Variants in NBAS observed in about 807,000 individuals in gnomAD.
The protein encoded by NBAS is NBAS subunit of NRZ tethering complex.
NBAS carries 219 observed loss-of-function variants against 302.5 expected under a neutral mutation model. The observed-to-expected ratio is 0.72, with a 90% CI of 0.65 to 0.81. The LOEUF is 0.81. NBAS is among the 30% of genes least tolerant of loss of function. NBAS has a pLI of 0.00. For missense variants in NBAS, 2,932 were observed against 2,841.6 expected, an observed-to-expected ratio of 1.03 and a Z score of -0.72; for synonymous variants, 1,118 against 1,021.6, an observed-to-expected ratio of 1.09 and a Z score of -1.80.
chr2:15,087,709 C>T, the NBAS span, among the ~76,000 whole-genome samples: 8 of 152,278 alleles, frequency 5.3e-5, no homozygotes, highest in African/African-American at 9.6e-5. Flanking sequence ...AAATGTCAGC[C>T]GGTGAGAAAT....
rs147366181 is a variant in NBAS at position 15,358,396 on chromosome 2, A to ATG, written c.3818-1982_3818-1981dup. On this transcript the variant is annotated intron_variant, in intron 32 of 51. Transcript: ENST00000281513. ...AAGCTGCTTGGCCGTGTGTGTGTGT[A>ATG]TGTGTGTGTGTGCGCACACATGTGT... Among the ~76,000 whole-genome samples, 451 of 151,742 alleles carry ATG rather than the reference A, an allele frequency of 3.0e-3. 1 individual carries two copies. Among genetic ancestry groups the ATG allele is most frequent in the African/African-American group, 0.01 (418 of 41,388 alleles).
At chr2:15,211,378 G>T (rs1157763237) in intron 48 of NBAS, among the ~76,000 whole-genome samples, 1 of 152,204 alleles carries the variant, frequency 6.6e-6, no homozygotes, top group African/African-American at 2.4e-5. Context: ...TAAATTGGAT[G>T]ACAGTATCGA....
intron 21 of NBAS, among the ~76,000 whole-genome samples, chr2:15,446,530 G>A (rs375541264): frequency 6.6e-6 from 1 of 152,064 alleles, no homozygotes; most frequent in Non-Finnish European, 1.5e-5. Flanking sequence ...GCACTGCAAG[G>A]CATGCTAAAG....
At chr2:14,902,426 C>T in the NBAS span, among the ~76,000 whole-genome samples, 1 of 152,328 alleles carries the variant, frequency 6.6e-6, no homozygotes, top group Non-Finnish European at 1.5e-5. Context: ...ACCACTGCAC[C>T]TGGCCTAATC....
the NBAS span, among the ~76,000 whole-genome samples, chr2:14,800,788 TTTG>T: frequency 1.4e-5 from 2 of 141,250 alleles, no homozygotes; most frequent in African/African-American, 3.0e-5. Flanking sequence ...TTAAATTGTT[TTTG>T]TTTTTTTTTT....
the NBAS span, among the ~76,000 whole-genome samples, chr2:14,901,407 C>T: frequency 6.7e-6 from 1 of 149,938 alleles, no homozygotes; most frequent in Non-Finnish European, 1.5e-5. Flanking sequence ...TATTCTTCAG[C>T]TAAAGGCCAA....
chr2:14,949,962 A>G, the NBAS span, among the ~76,000 whole-genome samples: 1 of 152,186 alleles, frequency 6.6e-6, no homozygotes, highest in Non-Finnish European at 1.5e-5. Context: ...TGGAAGAAGT[A>G]AGACCTAGTG....
the NBAS span, among the ~76,000 whole-genome samples, chr2:15,119,836 T>C: frequency 2.6e-5 from 4 of 152,076 alleles, no homozygotes; most frequent in Admixed American, 2.0e-4. Flanking sequence ...ACGCCATTCA[T>C]CTGCAAAGTT....
intron 48 of NBAS, among the ~76,000 whole-genome samples, chr2:15,210,481 A>T (rs916047464): frequency 2.0e-5 from 3 of 152,146 alleles, no homozygotes; most frequent in Non-Finnish European, 4.4e-5. Flanking sequence ...AACAATGCGG[A>T]CAAGAATATG....
rs75269970 is a variant in NBAS, at chr2:15,550,195, A to C, written c.379+1298T>G. 3.7e-3 allele frequency among the ~76,000 whole-genome samples: 569 copies of C among 152,250 alleles called. 16 individuals are homozygous for C. In the East Asian group the frequency reaches 0.07, roughly 19 times the overall value. ...AAAATAAAAAAAGAACAGCATTTCC[A>C]TGAGGGAGTGGGGGAATCTTCTGTA... is the stretch of plus-strand genomic sequence containing the variant. On this transcript the variant is annotated intron_variant, in intron 6 of 51. Coordinates refer to ENST00000281513, the MANE Select transcript of NBAS (RefSeq NM_015909.4).
chr2:14,788,160 C>A, the NBAS span, among the ~76,000 whole-genome samples: 4 of 152,208 alleles, frequency 2.6e-5, no homozygotes, highest in African/African-American at 9.6e-5. Flanking sequence ...CGAGGCTTGG[C>A]TTTCAGCTCC....
At chr2:14,801,074 G>C in the NBAS span, among the ~76,000 whole-genome samples, 2 of 152,008 alleles carry the variant, frequency 1.3e-5, no homozygotes, top group Non-Finnish European at 2.9e-5. Context: ...AGCATGCATT[G>C]CATCTGATGA....
the NBAS span, among the ~76,000 whole-genome samples, chr2:14,965,503 T>G: frequency 2.6e-5 from 4 of 152,188 alleles, no homozygotes; most frequent in Admixed American, 6.5e-5. Context: ...AATGGCTCAA[T>G]ATCTATTAAA....
the NBAS span, among the ~76,000 whole-genome samples, chr2:14,780,932 A>C: frequency 2.6e-4 from 39 of 152,192 alleles, no homozygotes; most frequent in African/African-American, 8.7e-4. Context: ...AAGGAGGAAG[A>C]GAGAATGAGA....
the NBAS span, among the ~76,000 whole-genome samples, chr2:15,091,248 T>G: frequency 0.012 from 1,760 of 152,196 alleles, 26 homozygotes; most frequent in African/African-American, 0.039. Context: ...CCTTGGGAGC[T>G]CTCTCAGAGA....
intron 7 of NBAS, 101 bp downstream of exon 7, chr2:15,539,122 T>G: frequency 6.7e-7 from 1 of 1,487,262 alleles, no homozygotes; most frequent in Non-Finnish European, 9.3e-7. Context: ...ATTATTCTGA[T>G]TTATATTTGT....
At chr2:15,271,411 TC>T (rs897030068) in intron 44 of NBAS, among the ~76,000 whole-genome samples, 1 of 152,176 alleles carries the variant, frequency 6.6e-6, no homozygotes, top group Non-Finnish European at 1.5e-5. Context: ...ACAACATGTT[TC>T]CCATTAGAAG....
intron 21 of NBAS, among the ~76,000 whole-genome samples, chr2:15,452,731 A>G (rs760576941): frequency 5.9e-5 from 9 of 152,236 alleles, no homozygotes; most frequent in Non-Finnish European, 1.0e-4. Flanking sequence ...GTAGAAGAAC[A>G]CAACTAGAAT....
intron 48 of NBAS, among the ~76,000 whole-genome samples, chr2:15,211,229 T>G (rs1184111731): frequency 2.0e-5 from 3 of 152,106 alleles, no homozygotes; most frequent in African/African-American, 7.2e-5. Flanking sequence ...AGATATCTCA[T>G]GTAACCCAAA....
Sources: allele counts gnomAD v4.1 joint callset (sites outside exome capture counted in the v4.1 genomes callset), GRCh38; gene constraint gnomAD v4.1.1; transcripts MANE v1.5; gene names NCBI Gene and HGNC (gene_info 2026-07-23, HGNC 2026-07-21).